ADPRHL1: variants seen among roughly 807,000 people sequenced by gnomAD.
ADPRHL1 encodes inactive ADP-ribosyltransferase ARH2.
ADPRHL1 carries 43 observed loss-of-function variants against 44.1 expected under a neutral mutation model. The ratio of observed to expected loss-of-function variants is 0.98; its 90% confidence interval spans 0.76 to 1.26. ADPRHL1 has a LOEUF of 1.26. ADPRHL1 is among the 50% of genes most tolerant of loss of function. ADPRHL1 has a pLI of 0.00. For synonymous variants in ADPRHL1, 878 were observed against 1,017.4 expected, an observed-to-expected ratio of 0.86 and a Z score of 2.61; for missense variants, 2,022 against 2,496.9, an observed-to-expected ratio of 0.81 and a Z score of 4.05.
chr13:113,432,112 TTTCAAA>T (rs1478914653), intron 3 of ADPRHL1, among the ~76,000 whole-genome samples: 5 of 147,174 alleles, frequency 3.4e-5, no homozygotes, highest in African/African-American at 1.2e-4. Context: ...ATTACATTGT[TTTCAAA>T]TGTCCAGCTT....
At chr13:113,428,903 C>G (rs1433939931) in intron 4 of ADPRHL1, 49 bp downstream of exon 4, 2 of 1,607,058 alleles carry the variant, frequency 1.2e-6, no homozygotes, top group South Asian at 2.2e-5. Flanking sequence ...GGGGCTGGAT[C>G]TGTCCAGATC....
Position 113,409,302 on chromosome 13 carries a change from C to T in ADPRHL1, c.1062-1082G>A. The T allele has an allele frequency of 5.1e-6, 5 of 985,394 alleles. No homozygotes were observed. Among genetic ancestry groups the T allele is most frequent in the Non-Finnish European group, 3.6e-6 (3 of 829,932 alleles). 61.0% of individuals were successfully genotyped at this position (985,394 alleles called of 1,614,324 possible). ...TGGCAGGGGGTGGAGCCGTCTCTGA[C>T]CTCCCCAGATGATAATTTTGGGTAG... On this transcript the variant is annotated intron_variant, in intron 7 of 7. Transcript: ENST00000612156. This position sits in a 1 kb window ranked among gnomAD's most constrained non-coding sequence, Gnocchi z 4.2.
intron 7 of ADPRHL1, among the ~76,000 whole-genome samples, chr13:113,419,005 T>TTTCTTCCCCTTC: frequency 6.9e-6 from 1 of 144,492 alleles, no homozygotes; most frequent in Admixed American, 6.9e-5. Context: ...CCTCCCTTCC[T>TTTCTTCCCCTTC]CCCTCCCTTC....
rs534706650 is a variant in ADPRHL1 at position 113,404,694 on chromosome 13, C to G, written c.4588G>C (p.Gly1530Arg). 5 of 1,286,236 alleles carry G rather than the reference C, an allele frequency of 3.9e-6. No individual in the cohort carries two copies. The highest frequency in any genetic ancestry group is 1.6e-5 in the African/African-American group (1 of 64,504). 79.7% of individuals were successfully genotyped at this position (1,286,236 alleles called of 1,614,324 possible). Residue 1530 changes from glycine to arginine, a missense_variant, in exon 8 of 8, where the codon GGA becomes CGA. Coordinates refer to ENST00000612156, the MANE Select transcript of ADPRHL1 (RefSeq NM_001394807.1). ...TTCTGGGCCTGTCCCTGACTGTGTC[C>G]CTGGGTCCCACCCTGAGCCTGTTCC... is the stretch of plus-strand genomic sequence containing the variant. ...AQEQAQGGTQ[G>R]HSQGQAQKQF...
intron 2 of ADPRHL1, among the ~76,000 whole-genome samples, chr13:113,440,185 C>T (rs1388683164): frequency 6.6e-6 from 1 of 152,158 alleles, no homozygotes; most frequent in Admixed American, 6.5e-5. Flanking sequence ...GGCTGGAGAC[C>T]TTCATGTTGA....
chr13:113,421,609 C>T (rs1173353606), intron 7 of ADPRHL1, among the ~76,000 whole-genome samples: 3 of 152,166 alleles, frequency 2.0e-5, no homozygotes, highest in Admixed American at 1.3e-4. Context: ...AAGCCTGGAC[C>T]CAATGCACCT....
At chr13:113,415,986 C>G (rs2043885484) in intron 7 of ADPRHL1, among the ~76,000 whole-genome samples, 1 of 151,942 alleles carries the variant, frequency 6.6e-6, no homozygotes, top group South Asian at 2.1e-4. Context: ...TCTAAAAATC[C>G]TGGAAGGCCA....
chr13:113,414,832 C>T (rs1234173802), intron 7 of ADPRHL1, among the ~76,000 whole-genome samples: 22 of 152,148 alleles, frequency 1.4e-4, no homozygotes, highest in African/African-American at 3.6e-4. Context: ...CCCGCCACCA[C>T]GCCCAGCTAA....
intron 2 of ADPRHL1, among the ~76,000 whole-genome samples, chr13:113,436,409 G>C (rs1356641354): frequency 1.7e-4 from 2 of 11,724 alleles, no homozygotes; most frequent in Non-Finnish European, 3.5e-4. Context: ...CCAGCACCCA[G>C]GTGTAGGGTG....
At chr13:113,423,694 A>G (rs903436724) in intron 6 of ADPRHL1, among the ~76,000 whole-genome samples, 2 of 152,204 alleles carry the variant, frequency 1.3e-5, no homozygotes, top group African/African-American at 4.8e-5. Context: ...CTCTCCCTCC[A>G]TGGCCAGAGA....
Position 113,447,627 on chromosome 13 carries a change from A to G in ADPRHL1, c.215-3038T>C, listed in dbSNP as rs150299089. Among the ~76,000 whole-genome samples, 111 of 152,334 alleles carry G rather than the reference A, an allele frequency of 7.3e-4. 3 individuals carry two copies. In the East Asian group the frequency reaches 0.019, roughly 26 times the overall value. The stretch of plus-strand genomic sequence containing the variant: ...TGCACACATGGTGTTGTGTGCATGC[A>G]CAGTATTGTTTTACATGACGCCATG... On this transcript the variant is annotated intron_variant, in intron 1 of 7. Coordinates refer to ENST00000612156, the MANE Select transcript of ADPRHL1 (RefSeq NM_001394807.1).
rs2043745922 is a variant in ADPRHL1, at chr13:113,400,141, TTTTCTTC to T, written c.*3230_*3236del. On this transcript the variant is annotated 3_prime_UTR_variant, in exon 8 of 8. Coordinates refer to ENST00000612156, the MANE Select transcript of ADPRHL1 (RefSeq NM_001394807.1). ...AAATATCCTGTTTTCTTTTCTTTTC[TTTTCTTC>T]TTTTTTTTTTTTTTTTTGACGGAGT... 3 of 138,424 alleles carry T rather than the reference TTTTCTTC, an allele frequency of 2.2e-5. No individual in the cohort carries two copies. Among genetic ancestry groups the T allele is most frequent in the African/African-American group, 9.0e-5 (3 of 33,164 alleles). The allele number at this position is 138,424 out of a possible 1,614,324, so 8.6% of individuals were successfully genotyped here.
rs571232693 is a variant in ADPRHL1 at position 113,413,173 on chromosome 13, G to A, written c.1062-4953C>T. On this transcript the variant is annotated intron_variant, in intron 7 of 7. Coordinates refer to ENST00000612156, the MANE Select transcript of ADPRHL1 (RefSeq NM_001394807.1). Reference sequence around the variant, plus strand: ...CCGCCAACAGCGCCTCGCAGAACTCGGTTCACCCACTGCACAACCCTGTTT... The same window carrying A: ...CCGCCAACAGCGCCTCGCAGAACTCAGTTCACCCACTGCACAACCCTGTTT... Among the ~76,000 whole-genome samples, 60 of 152,148 alleles carry A rather than the reference G, an allele frequency of 3.9e-4. 1 individual carries two copies. The highest frequency in any genetic ancestry group is 6.5e-4 in the Non-Finnish European group (44 of 67,958).
At chr13:113,434,056 C>T (rs970201526) in intron 2 of ADPRHL1, among the ~76,000 whole-genome samples, 189 bp from the exon 3 acceptor site, 13 of 152,302 alleles carry the variant, frequency 8.5e-5, no homozygotes, top group African/African-American at 2.6e-4. Context: ...GGGGCAAATT[C>T]GGTTGCATCC....
intron 7 of ADPRHL1, among the ~76,000 whole-genome samples, chr13:113,415,602 T>A (rs1014509567): frequency 6.6e-6 from 1 of 151,934 alleles, no homozygotes; most frequent in Non-Finnish European, 1.5e-5. Flanking sequence ...AACACAAAAA[T>A]TAGCTGGGCA....
intron 7 of ADPRHL1, among the ~76,000 whole-genome samples, chr13:113,421,146 ACATCCCCAGGACAGACC>A (rs2043916871): frequency 5.6e-5 from 1 of 17,980 alleles, no homozygotes; most frequent in African/African-American, 2.3e-4. Context: ...CGGGACACGC[ACATCCCCAGGACAGACC>A]CACCCCCAGG....
At chr13:113,422,641 A>C (rs1381333313) in intron 7 of ADPRHL1, 185 bp downstream of exon 7, 2 of 763,768 alleles carry the variant, frequency 2.6e-6, no homozygotes, top group African/African-American at 3.5e-5. Flanking sequence ...CTCGCAGGAC[A>C]AACAATGTAT....
Position 113,407,443 on chromosome 13 carries a change from G to T in ADPRHL1, c.1839C>A (p.Cys613Ter), listed in dbSNP as rs1222847432. 2.1e-5 allele frequency: 26 copies of T among 1,231,912 alleles called. No homozygotes were observed. Among genetic ancestry groups the T allele is most frequent in the Non-Finnish European group, 2.5e-5 (25 of 988,038 alleles). The allele number at this position is 1,231,912 out of a possible 1,614,324, so 76.3% of individuals were successfully genotyped here. Residue 613 changes from cysteine (C) to a stop codon, truncating the protein, a stop_gained, in exon 8 of 8, where the codon TGC becomes TGA. Coordinates refer to ENST00000612156, the MANE Select transcript of ADPRHL1 (RefSeq NM_001394807.1). LOFTEE classifies it low-confidence loss of function (END_TRUNC). ...VKMPPARFLACTAEPLPALSI... is the reference protein window; with the variant it reads ...VKMPPARFLA ...TGAGGGCCGGCAGGGGCTCAGCCGT[G>T]CAGGCCAGAAAGCGGGCAGGGGGCA...
chr13:113,409,381 C>T lies in ADPRHL1; in HGVS notation c.1062-1161G>A. On this transcript the variant is annotated intron_variant, in intron 7 of 7. Coordinates refer to ENST00000612156, the MANE Select transcript of ADPRHL1 (RefSeq NM_001394807.1). The surrounding 1 kb of genome is among the most constrained non-coding windows in gnomAD (Gnocchi z 4.2). ...TGTTAGTCATTCATTCTAAGGAGAT[C>T]ATCAGGGATGAGGAACAAAGACTCG... 1 of 985,352 alleles carries T rather than the reference C, an allele frequency of 1.0e-6. No homozygotes were observed. The highest frequency in any genetic ancestry group is 1.2e-6 in the Non-Finnish European group (1 of 829,928). The allele number at this position is 985,352 out of a possible 1,614,324, so 61.0% of individuals were successfully genotyped here.
Sources: allele counts gnomAD v4.1 joint callset (sites outside exome capture counted in the v4.1 genomes callset), GRCh38; gene constraint gnomAD v4.1.1; non-coding constraint Gnocchi (gnomAD v3.1); transcripts MANE v1.5; gene names NCBI Gene and HGNC (gene_info 2026-07-23, HGNC 2026-07-21).